Variants in PDE4D observed in about 807,000 individuals in gnomAD.
PDE4D encodes the protein phosphodiesterase 4D.
PDE4D carries 24 observed loss-of-function variants against 87.4 expected under a neutral mutation model. That is an observed-to-expected ratio of 0.27 (90% CI 0.20 to 0.39). The LOEUF (loss-of-function observed/expected upper bound fraction) is 0.39, where lower values mean the gene tolerates loss of function less well. PDE4D is among the 10% of genes least tolerant of loss of function. The pLI, the probability that PDE4D is intolerant of heterozygous loss-of-function variation, is 1.00. For synonymous variants in PDE4D, 384 were observed against 383.2 expected, an observed-to-expected ratio of 1.00 and a Z score of -0.02; for missense variants, 714 against 1,041.0, an observed-to-expected ratio of 0.69 and a Z score of 4.32.
intron 1 of PDE4D, chr5:60,460,865 T>C (rs1746877052): frequency 2.5e-6 from 1 of 402,928 alleles, no homozygotes. Context: ...GAAGGATCCC[T>C]TTACACTATT....
Position 59,487,351 on chromosome 5 carries a change from T to C in PDE4D, c.456-271383A>G, listed in dbSNP as rs74473707. On this transcript the variant is annotated intron_variant, in intron 1 of 14. Transcript: ENST00000340635. ...GACATTAACTGCAGAGAAATAGAAA[T>C]AGCTAAAGAAATAAGCATTTGAGGT... Among the ~76,000 whole-genome samples the C allele has an allele frequency of 5.7e-4, 86 of 152,108 alleles. No homozygotes were observed. The East Asian group carries it at 0.016, about 28-fold the overall frequency.
chr5:59,113,778 G>A (rs1001905060), intron 5 of PDE4D, among the ~76,000 whole-genome samples: 10 of 152,070 alleles, frequency 6.6e-5, no homozygotes, highest in Admixed American at 1.3e-4. Context: ...TCACTCCTCC[G>A]GGCCTCAGTT....
At chr5:59,102,482 C>G (rs1443673255) in intron 5 of PDE4D, among the ~76,000 whole-genome samples, 2 of 152,114 alleles carry the variant, frequency 1.3e-5, no homozygotes, top group African/African-American at 2.4e-5. Context: ...TTTAATAAAT[C>G]AAATACCTTT....
chr5:59,985,124 G>GTTGTTTTT (rs1762290009), intron 3 of PDE4D, among the ~76,000 whole-genome samples: 2 of 111,352 alleles, frequency 1.8e-5, no homozygotes, highest in Non-Finnish European at 3.7e-5. Flanking sequence ...TTCACCTTTC[G>GTTGTTTTT]TTTTTTGTTT....
chr5:60,206,823 C>T (rs370014574), intron 1 of PDE4D, among the ~76,000 whole-genome samples: 4 of 152,128 alleles, frequency 2.6e-5, no homozygotes, highest in South Asian at 2.1e-4. Flanking sequence ...AAAGTATAGG[C>T]GGGAAAGTAT....
chr5:59,908,823 T>A (rs1206184147), intron 3 of PDE4D, among the ~76,000 whole-genome samples: 1 of 152,178 alleles, frequency 6.6e-6, no homozygotes. Flanking sequence ...TGACTAAGAA[T>A]TAATTAAATC....
intron 2 of PDE4D, among the ~76,000 whole-genome samples, chr5:59,214,285 AG>A (rs1750755410): frequency 6.6e-6 from 1 of 152,180 alleles, no homozygotes; most frequent in Non-Finnish European, 1.5e-5. Context: ...GCCAAAACTC[AG>A]CTAAAAACCT....
intron 1 of PDE4D, among the ~76,000 whole-genome samples, chr5:59,494,945 C>A (rs1421992083): frequency 6.6e-6 from 1 of 152,166 alleles, no homozygotes; most frequent in Admixed American, 6.5e-5. Context: ...GTTTTTAACA[C>A]AGGCTCCTGT....
At chr5:59,251,361 G>A (rs769187375) in intron 1 of PDE4D, among the ~76,000 whole-genome samples, 1 of 152,038 alleles carries the variant, frequency 6.6e-6, no homozygotes, top group Admixed American at 6.6e-5. Context: ...ATTAAAAGGT[G>A]GGCAAAAGAC....
intron 1 of PDE4D, among the ~76,000 whole-genome samples, chr5:60,504,527 A>G (rs1181493380): frequency 6.6e-6 from 1 of 152,144 alleles, no homozygotes; most frequent in Non-Finnish European, 1.5e-5. Flanking sequence ...CTCTACAAAA[A>G]AAGATCAGGT....
At position 59,368,059 on chromosome 5, in the gene PDE4D, T is replaced by G. The variant is rs181267762; in HGVS notation, c.456-152091A>C. Among the ~76,000 whole-genome samples, 911 of 152,346 alleles carry G rather than the reference T, an allele frequency of 6.0e-3. 6 individuals are homozygous for G. Among genetic ancestry groups the G allele is most frequent in the Non-Finnish European group, 9.3e-3 (634 of 68,034 alleles). ...CAAGTATCCTTCCAGAGCAATTGCT[T>G]AGCTTTCATCAGCTGAGGATTAACT... On this transcript the variant is annotated intron_variant, in intron 1 of 14. Coordinates refer to ENST00000340635, the MANE Select transcript of PDE4D (RefSeq NM_001104631.2).
rs532832779 is a variant in PDE4D at position 60,453,384 on chromosome 5, C to T, written c.-90+34558G>A. ...ACTCATTTTCCTAATTCGATTTCAA[C>T]ACACATGAGAACTTCAAGTCAGGAA... On this transcript the variant is annotated intron_variant, in intron 1 of 16. Coordinates refer to the PDE4D transcript ENST00000502484. 4.6e-5 allele frequency among the ~76,000 whole-genome samples: 7 copies of T among 152,224 alleles called. No individual in the cohort carries two copies. In the East Asian group the frequency reaches 1.4e-3, roughly 29 times the overall value.
At chr5:59,829,071 G>T (rs1770664826) in intron 1 of PDE4D, among the ~76,000 whole-genome samples, 1 of 151,964 alleles carries the variant, frequency 6.6e-6, no homozygotes, top group Admixed American at 6.6e-5. Context: ...TACTTGTGTT[G>T]CTGATGGAAT....
intron 2 of PDE4D, among the ~76,000 whole-genome samples, chr5:60,065,499 C>T (rs570903812): frequency 4.7e-4 from 72 of 152,040 alleles, no homozygotes; most frequent in Non-Finnish European, 9.0e-4. Context: ...AGGTTAGTTA[C>T]ATATGTATAC....
chr5:59,207,350 C>A (rs1749022139), intron 2 of PDE4D, among the ~76,000 whole-genome samples: 1 of 151,870 alleles, frequency 6.6e-6, no homozygotes, highest in African/African-American at 2.4e-5. Flanking sequence ...ACTGGGTGAA[C>A]CAATATCTCT....
chr5:59,111,780 T>C (rs904072051), intron 5 of PDE4D, among the ~76,000 whole-genome samples: 1 of 152,180 alleles, frequency 6.6e-6, no homozygotes, highest in Non-Finnish European at 1.5e-5. Flanking sequence ...AGGCTCTTAA[T>C]GGGAAACCAA....
chr5:59,836,884 T>G (rs186396461), intron 1 of PDE4D, among the ~76,000 whole-genome samples: 1 of 152,138 alleles, frequency 6.6e-6, no homozygotes, highest in East Asian at 1.9e-4. Flanking sequence ...ATTCTCATCA[T>G]ACATCCTGGT....
chr5:60,230,216 T>C (rs1745637005), intron 1 of PDE4D, among the ~76,000 whole-genome samples: 1 of 152,134 alleles, frequency 6.6e-6, no homozygotes, highest in South Asian at 2.1e-4. Flanking sequence ...GAAACTAAAA[T>C]GTGAATCTAG....
At chr5:59,278,319 A>G (rs949934797) in intron 1 of PDE4D, among the ~76,000 whole-genome samples, 1 of 152,028 alleles carries the variant, frequency 6.6e-6, no homozygotes, top group Non-Finnish European at 1.5e-5. Flanking sequence ...CAAGCATATG[A>G]TGGCATGCAG....
Sources: allele counts gnomAD v4.1 joint callset (sites outside exome capture counted in the v4.1 genomes callset), GRCh38; gene constraint gnomAD v4.1.1; transcripts MANE v1.5; gene names NCBI Gene and HGNC (gene_info 2026-07-23, HGNC 2026-07-21).